The following INAVA variants were observed in gnomAD, a reference collection of about 807,000 sequenced individuals.
The protein encoded by INAVA is innate immunity activator protein.
INAVA carries 32 observed loss-of-function variants against 55.3 expected under a neutral mutation model. That is an observed-to-expected ratio of 0.58 (90% CI 0.44 to 0.78). The LOEUF is 0.78. Ranked by LOEUF, INAVA falls within the 30% of genes least tolerant of loss-of-function variation. The pLI is 0.00. For missense variants in INAVA, 756 were observed against 786.4 expected (o/e 0.96, Z 0.46); for synonymous variants, 294 against 329.4 (o/e 0.89, Z 1.16).
At chr1:200,891,564 T>A (rs2102295546), upstream of INAVA, 1 of 1,601,798 alleles carries the variant, frequency 6.2e-7, no homozygotes, top group East Asian at 2.3e-5. Flanking sequence ...CGAAGTTAAA[T>A]GAAATACCTC....
chr1:200,911,030 TTAAAAAAAGTAGTTAATGTAGTA>T (rs1653691218), intron 8 of INAVA, among the ~76,000 whole-genome samples: 1 of 135,394 alleles, frequency 7.4e-6, no homozygotes, highest in Non-Finnish European at 1.7e-5. Context: ...ATGTAGTACT[TTAAAAAAAGTAGTTAATGTAGTA>T]CTTTAAAAAA....
chr1:200,908,626 G>A, intron 6 of INAVA, 104 bp from the exon 7 acceptor site: 2 of 972,228 alleles, frequency 2.1e-6, no homozygotes, highest in Middle Eastern at 2.9e-4. Flanking sequence ...GCACAAGCCA[G>A]CATGGGAGGG....
intron 5 of INAVA, chr1:200,906,130 A>C (rs1341349895): frequency 2.6e-5 from 4 of 152,268 alleles, no homozygotes; most frequent in Non-Finnish European, 4.4e-5. Context: ...CAGTAGAAAC[A>C]TTAGCAATTA....
At chr1:200,908,617 C>G in intron 6 of INAVA, 113 bp from the exon 7 acceptor site, 5 of 904,044 alleles carry the variant, frequency 5.5e-6, no homozygotes. Flanking sequence ...GCAGCAGCTG[C>G]ACAAGCCAGC....
Position 200,898,343 on chromosome 1 carries a change from A to G in INAVA, c.-58A>G. 3 of 1,613,898 alleles carry G rather than the reference A, an allele frequency of 1.9e-6. No individual in the cohort carries two copies. The highest frequency in any genetic ancestry group is 2.5e-6 in the Non-Finnish European group (3 of 1,179,964). On this transcript the variant is annotated 5_prime_UTR_variant, in exon 2 of 10. Transcript: ENST00000413687. Reference sequence around the variant, plus strand: ...CCAGGCTACCTACACAACCTGGCCCAGGCTGGTCACGGTGTCCCCCCTCCC... The same window carrying G: ...CCAGGCTACCTACACAACCTGGCCCGGGCTGGTCACGGTGTCCCCCCTCCC...
At chr1:200,893,697 G>T (rs1286765070), upstream of INAVA, among the ~76,000 whole-genome samples, 1 of 152,148 alleles carries the variant, frequency 6.6e-6, no homozygotes, top group Admixed American at 6.6e-5. Context: ...AGCATTGTTT[G>T]GAAAAAGGGT....
At chr1:200,895,921 C>G (rs970682820) in intron 1 of INAVA, among the ~76,000 whole-genome samples, 1 of 152,158 alleles carries the variant, frequency 6.6e-6, no homozygotes, top group Non-Finnish European at 1.5e-5. Flanking sequence ...GGGCATCTGA[C>G]GCTGTTCTCT....
At position 200,900,180 on chromosome 1, in the gene INAVA, G is replaced by A; in HGVS notation, c.257G>A (p.Gly86Glu). Reference protein sequence around the residue: ...EKAPKVRRRIGAAYKLDDWAL... With the variant: ...EKAPKVRRRIEAAYKLDDWAL... ...GCCCCCAAGGTTCGCCGCAGGATCG[G>A]AGCGGCTTACAAACTGGATGACTGG... The change falls in exon 4 of 10, where the codon GGA becomes GAA. Residue 86 changes from glycine to glutamate, a missense_variant. This residue lies in a region of INAVA where 639 missense variants were observed against 624.3 expected (regional missense o/e 1.02). Transcript: ENST00000413687. 1.2e-6 allele frequency: 2 copies of A among 1,614,162 alleles called. No homozygotes were observed. The highest frequency in any genetic ancestry group is 2.2e-5 in the South Asian group (2 of 91,082).
At chr1:200,909,982 T>A (rs759699734) in intron 8 of INAVA, among the ~76,000 whole-genome samples, 1 of 152,310 alleles carries the variant, frequency 6.6e-6, no homozygotes, top group East Asian at 1.9e-4. Flanking sequence ...CTGTAACTCA[T>A]ACCCAGATGA....
chr1:200,899,410 A>G lies in INAVA; in HGVS notation c.56-63A>G, dbSNP rs1406766213. 8.7e-6 allele frequency: 14 copies of G among 1,606,188 alleles called. No homozygotes were observed. The Admixed American group carries it at 2.0e-4, about 23-fold the overall frequency. On this transcript the variant is annotated intron_variant, in intron 2 of 9. Coordinates refer to ENST00000413687, the MANE Select transcript of INAVA (RefSeq NM_001142569.3). ...ATGTGCATTCCCCTAGGGGTGGTCA[A>G]TAAGTAACGGAGGAGGCTTCCATCT... is the stretch of plus-strand genomic sequence containing the variant.
chr1:200,912,007 A>G lies in INAVA; in HGVS notation c.1514A>G (p.Lys505Arg), dbSNP rs1653766177. The G allele has an allele frequency of 2.0e-6, 3 of 1,536,638 alleles. No homozygotes were observed. In the African/African-American group the frequency reaches 4.1e-5, roughly 21 times the overall value. ...LSKAAVSEEL[K>R]WWHERARLRS... ...AAGGCCGCCGTGTCCGAGGAGCTCA[A>G]GTGGTGGCACGAGCGTGCACGCCTC... The change falls in exon 9 of 10, where the codon AAG (lysine) becomes AGG (arginine). Residue 505 changes from lysine to arginine, a missense_variant. Coordinates refer to ENST00000413687, the MANE Select transcript of INAVA (RefSeq NM_001142569.3).
chr1:200,900,940 C>A lies in INAVA; in HGVS notation c.301C>A (p.Pro101Thr). The A allele has an allele frequency of 1.3e-6, 2 of 1,547,102 alleles. No homozygotes were observed. The highest frequency in any genetic ancestry group is 2.0e-5 in the Admixed American group (1 of 50,986). The change falls in exon 5 of 10, where the codon CCC becomes ACC. Residue 101 changes from proline to threonine, a missense_variant. Transcript: ENST00000413687. ...LDDWALHRED[P>T]LSSLERQLAL... ...TCACTCCTGCCCCCTCTCTCAGGAC[C>A]CCCTAAGCAGCCTGGAGCGCCAGCT...
At position 200,910,790 on chromosome 1, in the gene INAVA, T is replaced by C. The variant is rs1571872383; in HGVS notation, c.960-663T>C. ...GCTACGAGGGCCATTTTACAAACCA[T>C]GCCTTTGTGCAAATTAGGAAAAGGC... On this transcript the variant is annotated intron_variant, in intron 8 of 9. Coordinates refer to ENST00000413687, the MANE Select transcript of INAVA (RefSeq NM_001142569.3). Among the ~76,000 whole-genome samples the C allele has an allele frequency of 2.0e-5, 3 of 152,208 alleles. 1 individual carries two copies. The East Asian group carries it at 5.8e-4, about 29-fold the overall frequency.
chr1:200,897,690 G>A lies in INAVA; in HGVS notation c.-94-617G>A, dbSNP rs764669108. ...GTTGTCCAGGCTGGAGTGCAATGGC[G>A]TGAACATGGCTCACTGCAGCCTTGA... On this transcript the variant is annotated intron_variant, in intron 1 of 9. Transcript: ENST00000413687. Among the ~76,000 whole-genome samples, 62 of 151,688 alleles carry A rather than the reference G, an allele frequency of 4.1e-4. 1 individual carries two copies. The highest frequency in any genetic ancestry group is 4.2e-4 in the South Asian group (2 of 4,812).
In INAVA at chr1:200,894,922, G is replaced by GGTA; in HGVS notation, c.-258_-256dup. On this transcript the variant is annotated 5_prime_UTR_variant, in exon 1 of 10. Coordinates refer to ENST00000413687, the MANE Select transcript of INAVA (RefSeq NM_001142569.3). ...CCCGGCAGCCTGGGAGGGACGGCAA[G>GGTA]GTAGGCAGGTGAGCCGAGACGGACG... The GGTA allele has an allele frequency of 1.0e-6, 1 of 985,742 alleles. No individual in the cohort carries two copies. Among genetic ancestry groups the GGTA allele is most frequent in the Non-Finnish European group, 1.2e-6 (1 of 830,170 alleles). The allele number at this position is 985,742 out of a possible 1,614,324, so 61.1% of individuals were successfully genotyped here.
Position 200,911,951 on chromosome 1 carries a change from G to A in INAVA, c.1458G>A (p.Leu486=). ...SRSRIVRTPS[L]KDSPAGRGLS... ...GCCGCATCGTGCGGACGCCCTCCCTGAAGGACAGCCCGGCAGGCCGGGGGC... is the reference window on the plus strand; with the variant it reads ...GCCGCATCGTGCGGACGCCCTCCCTAAAGGACAGCCCGGCAGGCCGGGGGC... The change falls in exon 9 of 10, where the codon CTG becomes CTA. Residue 486 remains leucine (L), a synonymous_variant. Transcript: ENST00000413687. 6.5e-7 allele frequency: 1 copy of A among 1,546,196 alleles called. No homozygotes were observed. The highest frequency in any genetic ancestry group is 8.7e-7 in the Non-Finnish European group (1 of 1,151,694).
Position 200,911,752 on chromosome 1 carries a change from C to A in INAVA, c.1259C>A (p.Ala420Asp). Residue 420 changes from alanine (A) to aspartate (D), a missense_variant, in exon 9 of 10, where the codon GCC (alanine) becomes GAC (aspartate). Physicochemically the swap from Ala to Asp is moderately radical, Grantham distance 126 (BLOSUM62 -2). Transcript: ENST00000413687. ...CCAGCCGGCAGCAGAGAGCTGGTCG[C>A]CCACCACCCCAAGCTACTGCTGCCG... ...WVPAGSRELV[A>D]HHPKLLLPPG... 1 of 1,611,768 alleles carries A rather than the reference C, an allele frequency of 6.2e-7. No individual in the cohort carries two copies. Among genetic ancestry groups the A allele is most frequent in the Non-Finnish European group, 8.5e-7 (1 of 1,178,606 alleles).
rs1447219290 is a variant in INAVA, at chr1:200,914,284, A to T, written c.*655A>T. The T allele has an allele frequency of 6.6e-6, 1 of 152,322 alleles. No individual in the cohort carries two copies. Among genetic ancestry groups the T allele is most frequent in the East Asian group, 1.9e-4 (1 of 5,286 alleles). 9.4% of individuals were successfully genotyped at this position (152,322 alleles called of 1,614,324 possible). On this transcript the variant is annotated 3_prime_UTR_variant, in exon 10 of 10. Coordinates refer to ENST00000413687, the MANE Select transcript of INAVA (RefSeq NM_001142569.3). The stretch of plus-strand genomic sequence containing the variant: ...GGGACCCAGTCACTATACCCTGTCT[A>T]TGCCCTGTGGGCTCCCAGACCCCTG...
chr1:200,910,899 C>T (rs1653684096), intron 8 of INAVA, among the ~76,000 whole-genome samples: 1 of 152,186 alleles, frequency 6.6e-6, no homozygotes. Flanking sequence ...CTGCAGGTAA[C>T]TGCTCTGGGT....
Sources: gnomAD v4.1 joint callset for allele counts (sites outside exome capture counted in the v4.1 genomes callset) on GRCh38, gnomAD v4.1.1 for gene constraint, gnomAD v4.1.1 regional missense constraint, MANE v1.5 for transcripts, NCBI Gene and HGNC (gene_info 2026-07-23, HGNC 2026-07-21) for gene names.